The following ABLIM3 variants were observed in gnomAD, a reference collection of about 807,000 sequenced individuals.
ABLIM3 encodes actin-binding LIM protein 3.
ABLIM3 carries 61 observed loss-of-function variants against 109.5 expected under a neutral mutation model. The observed-to-expected ratio is 0.56, with a 90% CI of 0.45 to 0.69. ABLIM3 has a LOEUF of 0.69. ABLIM3 is among the 30% of genes least tolerant of loss of function. ABLIM3 has a pLI of 0.00. For synonymous variants in ABLIM3, 300 were observed against 324.8 expected, an observed-to-expected ratio of 0.92 and a Z score of 0.82; for missense variants, 796 against 889.5, an observed-to-expected ratio of 0.89 and a Z score of 1.34.
At chr5:149,151,061 G>A (rs1753388726) in intron 2 of ABLIM3, among the ~76,000 whole-genome samples, 1 of 152,238 alleles carries the variant, frequency 6.6e-6, no homozygotes, top group Non-Finnish European at 1.5e-5. Flanking sequence ...TACAAACCGG[G>A]TGGTTTAAAC....
intron 15 of ABLIM3, 61 bp downstream of exon 15, chr5:149,242,599 T>G (rs1044438915): frequency 9.6e-6 from 15 of 1,564,592 alleles, no homozygotes; most frequent in African/African-American, 1.4e-5. Context: ...TAACCATCTA[T>G]GCAGATGGCC....
chr5:149,183,481 CG>C lies in ABLIM3; in HGVS notation c.47del (p.Gly16AlafsTer106). The C allele has an allele frequency of 6.3e-7, 1 of 1,579,674 alleles. No homozygotes were observed. Among genetic ancestry groups the C allele is most frequent in the Non-Finnish European group, 8.6e-7 (1 of 1,163,716 alleles). On this transcript the variant is annotated frameshift_variant, in exon 3 of 24. Coordinates refer to ENST00000309868, the MANE Select transcript of ABLIM3 (RefSeq NM_014945.5). LOFTEE classifies it high-confidence loss of function. ...TTATCAGCAGAATCCTTACAATCCA[CG>C]GGGCAGCTCCAATGTCATCCAGTGC... ...IPYQQNPYNPRGSSNVIQCYR... is the reference protein window; with the variant it reads ...IPYQQNPYNPXGSSNVIQCYR...
At position 149,169,182 on chromosome 5, in the gene ABLIM3, T is replaced by C. The variant is rs188201973; in HGVS notation, c.14-14270T>C. On this transcript the variant is annotated intron_variant, in intron 2 of 23. Transcript: ENST00000309868. ...TTTCCTAACTGCGTAGACGCTAGAATGTTTGCAGCGACAAGCGACAGCCCC... is the reference window on the plus strand; with the variant it reads ...TTTCCTAACTGCGTAGACGCTAGAACGTTTGCAGCGACAAGCGACAGCCCC... Among the ~76,000 whole-genome samples, 8 of 143,500 alleles carry C rather than the reference T, an allele frequency of 5.6e-5. No homozygotes were observed. In the East Asian group the frequency reaches 9.2e-4, roughly 16 times the overall value. The allele number at this position is 143,500 out of a possible 152,430, so 94.1% of individuals were successfully genotyped here.
chr5:149,169,095 C>CACTGACTTTGCTGTAGG (rs1561547262), intron 2 of ABLIM3, among the ~76,000 whole-genome samples: 1 of 150,194 alleles, frequency 6.7e-6, no homozygotes, highest in African/African-American at 2.5e-5. Context: ...ACCCCCCCAC[C>CACTGACTTTGCTGTAGG]CCCCGTCTCA....
chr5:149,207,156 C>G (rs781265763), intron 6 of ABLIM3, 22 bp downstream of exon 6: 1 of 1,609,508 alleles, frequency 6.2e-7, no homozygotes, highest in South Asian at 1.1e-5. Context: ...TGCTCCTGCC[C>G]CAGCTGCCTG....
chr5:149,245,567 A>C (rs1249288598), intron 16 of ABLIM3, among the ~76,000 whole-genome samples: 1 of 147,806 alleles, frequency 6.8e-6, no homozygotes. Flanking sequence ...TGTTATCCTA[A>C]ACAGTGAGTG....
At chr5:149,256,755 A>AC (rs1754460364) in intron 23 of ABLIM3, among the ~76,000 whole-genome samples, 1 of 152,264 alleles carries the variant, frequency 6.6e-6, no homozygotes, top group Non-Finnish European at 1.5e-5. Flanking sequence ...TAAATGAAGC[A>AC]AATGTGGAAA....
intron 7 of ABLIM3, among the ~76,000 whole-genome samples, chr5:149,215,897 G>A (rs1481571353): frequency 3.3e-5 from 5 of 152,130 alleles, no homozygotes; most frequent in Non-Finnish European, 7.3e-5. Context: ...ACACACATCC[G>A]GACCCAACAC....
At chr5:149,239,630 G>C in intron 12 of ABLIM3, 129 bp from the exon 13 acceptor site, 1 of 1,302,988 alleles carries the variant, frequency 7.7e-7, no homozygotes, top group South Asian at 1.5e-5. Flanking sequence ...GGGAGGAGGG[G>C]GGTCTCTGTA....
In ABLIM3 at chr5:149,247,257, A is replaced by C. The variant is rs887077789; in HGVS notation, c.1552-525A>C. On this transcript the variant is annotated intron_variant, in intron 17 of 23. Coordinates refer to ENST00000309868, the MANE Select transcript of ABLIM3 (RefSeq NM_014945.5). ...ATATGCAGAATAGGCAAATCCATAGAGACAGAACATAGATTGCTGGTTCCC... is the reference window on the plus strand; with the variant it reads ...ATATGCAGAATAGGCAAATCCATAGCGACAGAACATAGATTGCTGGTTCCC... 4.6e-5 allele frequency among the ~76,000 whole-genome samples: 7 copies of C among 152,228 alleles called. 1 individual carries two copies. In the South Asian group the frequency reaches 1.4e-3, roughly 31 times the overall value.
intron 19 of ABLIM3, 132 bp from the exon 20 acceptor site, chr5:149,250,315 G>T (rs1383370262): frequency 5.0e-6 from 4 of 807,652 alleles, no homozygotes; most frequent in Non-Finnish European, 8.2e-6. Context: ...ATCAGGAAGA[G>T]TTGGTGGCCT....
intron 10 of ABLIM3, among the ~76,000 whole-genome samples, chr5:149,234,308 G>A (rs1007064533): frequency 6.6e-6 from 1 of 152,210 alleles, no homozygotes; most frequent in African/African-American, 2.4e-5. Flanking sequence ...ACCTCAATCT[G>A]ATTGACTCTG....
At position 149,259,830 on chromosome 5, in the gene ABLIM3, G is replaced by T; in HGVS notation, c.*1426G>T. ...CAATAATGACTCTCAAGAGGCTGGCGATGTGACATGGCAAATGTAGAACTG... is the reference window on the plus strand; with the variant it reads ...CAATAATGACTCTCAAGAGGCTGGCTATGTGACATGGCAAATGTAGAACTG... On this transcript the variant is annotated 3_prime_UTR_variant, in exon 24 of 24. Transcript: ENST00000309868. 3.6e-6 allele frequency: 2 copies of T among 549,250 alleles called. No individual in the cohort carries two copies. The highest frequency in any genetic ancestry group is 4.3e-5 in the South Asian group (2 of 46,146). 34.0% of individuals were successfully genotyped at this position (549,250 alleles called of 1,614,324 possible).
intron 23 of ABLIM3, among the ~76,000 whole-genome samples, chr5:149,255,931 T>C (rs534571864): frequency 6.6e-6 from 1 of 152,354 alleles, no homozygotes; most frequent in South Asian, 2.1e-4. Context: ...GTATTCATGG[T>C]GGAGACACTA....
chr5:149,225,921 A>G (rs1761142280), intron 8 of ABLIM3, among the ~76,000 whole-genome samples: 3 of 43,152 alleles, frequency 7.0e-5, no homozygotes, highest in Non-Finnish European at 1.6e-4. Context: ...TCCATCATAT[A>G]TACATATATA....
At chr5:149,195,262 A>T (rs1757851235) in intron 3 of ABLIM3, among the ~76,000 whole-genome samples, 1 of 152,188 alleles carries the variant, frequency 6.6e-6, no homozygotes. Flanking sequence ...AAAACATCAC[A>T]TTGTTCACTG....
rs201617135 is a variant in ABLIM3 at position 149,230,643 on chromosome 5, C to T, written c.758-6C>T. 6 of 1,613,934 alleles carry T rather than the reference C, an allele frequency of 3.7e-6. No individual in the cohort carries two copies. The African/African-American group carries it at 5.3e-5, about 14-fold the overall frequency. Reference sequence around the variant, plus strand: ...CTGAGTCTTCGTTATTTTCATGACCCCTTAGGTTCCGAGGTTTGGCACCCC... The same window carrying T: ...CTGAGTCTTCGTTATTTTCATGACCTCTTAGGTTCCGAGGTTTGGCACCCC... On this transcript the variant is annotated splice_polypyrimidine_tract_variant and splice_region_variant and intron_variant, in intron 8 of 23. Coordinates refer to ENST00000309868, the MANE Select transcript of ABLIM3 (RefSeq NM_014945.5).
intron 2 of ABLIM3, among the ~76,000 whole-genome samples, chr5:149,147,345 C>T (rs893790385): frequency 6.6e-6 from 1 of 151,766 alleles, no homozygotes; most frequent in Non-Finnish European, 1.5e-5. Flanking sequence ...TTTTTCATTC[C>T]GTTTATGTGG....
chr5:149,172,674 A>T (rs1755556478), intron 2 of ABLIM3, among the ~76,000 whole-genome samples: 1 of 152,082 alleles, frequency 6.6e-6, no homozygotes, highest in Non-Finnish European at 1.5e-5. Context: ...TGGAACTTTG[A>T]CCTATTTGTG....
Sources: gnomAD v4.1 joint callset for allele counts (sites outside exome capture counted in the v4.1 genomes callset) on GRCh38, gnomAD v4.1.1 for gene constraint, MANE v1.5 for transcripts, NCBI Gene and HGNC (gene_info 2026-07-23, HGNC 2026-07-21) for gene names.